ZNF407: variants seen among roughly 807,000 people sequenced by gnomAD.
ZNF407 encodes the protein zinc finger protein 407.
Under a neutral mutation model 131.2 loss-of-function variants are expected in ZNF407, and 17 were observed. That is an observed-to-expected ratio of 0.13 (90% CI 0.09 to 0.19). The LOEUF (loss-of-function observed/expected upper bound fraction) is 0.19, where lower values mean the gene tolerates loss of function less well. ZNF407 is among the 10% of genes least tolerant of loss of function. ZNF407 has a pLI of 1.00. For missense variants in ZNF407, 2,681 were observed against 2,830.6 expected, an observed-to-expected ratio of 0.95 and a Z score of 1.20; for synonymous variants, 1,156 against 1,062.0, an observed-to-expected ratio of 1.09 and a Z score of -1.72.
intron 4 of ZNF407, among the ~76,000 whole-genome samples, chr18:74,861,087 T>C (rs983863005): frequency 6.6e-6 from 1 of 152,162 alleles, no homozygotes. Flanking sequence ...ATCCTAGGGT[T>C]GGAAAACCTG....
In ZNF407 at chr18:74,978,619, G is replaced by A. The variant is rs146949640; in HGVS notation, c.5428+57927G>A. ...TGATTGGATGATGAGGCTCTTTAGC[G>A]AGGAGGGACATACTGCCATCCTAGA... On this transcript the variant is annotated intron_variant, in intron 8 of 8. Transcript: ENST00000299687. Among the ~76,000 whole-genome samples the A allele has an allele frequency of 2.8e-3, 419 of 151,832 alleles. 2 individuals carry two copies. Among genetic ancestry groups the A allele is most frequent in the African/African-American group, 9.1e-3 (378 of 41,376 alleles).
intron 3 of ZNF407, among the ~76,000 whole-genome samples, chr18:74,657,684 G>A (rs919436883): frequency 6.6e-6 from 1 of 152,098 alleles, no homozygotes; most frequent in Non-Finnish European, 1.5e-5. Context: ...TCTTTCCTCG[G>A]CATTGTCTGA....
At chr18:74,828,420 AC>A (rs1970437795) in intron 4 of ZNF407, among the ~76,000 whole-genome samples, 1 of 152,064 alleles carries the variant, frequency 6.6e-6, no homozygotes, top group Non-Finnish European at 1.5e-5. Flanking sequence ...CATAGCTGTT[AC>A]TCTCCTGGGA....
Position 74,604,918 on chromosome 18 carries a change from A to C in ZNF407, c.-54+6981A>C, listed in dbSNP as rs542407404. On this transcript the variant is annotated intron_variant, in intron 1 of 8. Transcript: ENST00000299687. ...ATTTATAGTTCATGCATAGTTCATC[A>C]AAGTCTGGATGCAGTTTACCAGTTG... 1.4e-4 allele frequency among the ~76,000 whole-genome samples: 22 copies of C among 152,284 alleles called. No homozygotes were observed. In the South Asian group the frequency reaches 4.6e-3, roughly 32 times the overall value.
chr18:74,995,742 G>A (rs943075236), intron 8 of ZNF407, among the ~76,000 whole-genome samples: 2 of 152,148 alleles, frequency 1.3e-5, no homozygotes, highest in Non-Finnish European at 2.9e-5. Flanking sequence ...TCATTCGGCT[G>A]TGCTCTGAGG....
intron 4 of ZNF407, among the ~76,000 whole-genome samples, chr18:74,828,630 G>GTATAGC (rs1489661520): frequency 6.6e-6 from 1 of 152,236 alleles, no homozygotes; most frequent in East Asian, 1.9e-4. Flanking sequence ...TTCCACCACT[G>GTATAGC]TATAGCTAGA....
At chr18:74,819,825 A>G (rs551569339) in intron 4 of ZNF407, among the ~76,000 whole-genome samples, 1 of 152,210 alleles carries the variant, frequency 6.6e-6, no homozygotes, top group South Asian at 2.1e-4. Flanking sequence ...TTTTCTTGAC[A>G]TTCTTCACCC....
intron 5 of ZNF407, among the ~76,000 whole-genome samples, chr18:74,879,706 A>T (rs936323064): frequency 6.6e-6 from 1 of 152,222 alleles, no homozygotes; most frequent in East Asian, 1.9e-4. Flanking sequence ...AAATATTTAA[A>T]TTCAGCCTTA....
chr18:74,976,460 T>C (rs1274094088), intron 8 of ZNF407, among the ~76,000 whole-genome samples: 1 of 152,196 alleles, frequency 6.6e-6, no homozygotes, highest in Non-Finnish European at 1.5e-5. Context: ...CTGCGACCTG[T>C]AATTCAATAG....
chr18:75,007,479 C>T (rs1972925016), intron 8 of ZNF407, among the ~76,000 whole-genome samples: 1 of 152,208 alleles, frequency 6.6e-6, no homozygotes, highest in Admixed American at 6.5e-5. Flanking sequence ...TGCAGACCCA[C>T]AACTCCTGGA....
At chr18:74,640,525 T>C (rs1208009656) in intron 2 of ZNF407, among the ~76,000 whole-genome samples, 1 of 152,124 alleles carries the variant, frequency 6.6e-6, no homozygotes, top group Non-Finnish European at 1.5e-5. Context: ...TATACCATTG[T>C]TTTAATGTGA....
intron 8 of ZNF407, among the ~76,000 whole-genome samples, chr18:74,997,205 C>T (rs960918570): frequency 6.6e-6 from 1 of 152,310 alleles, no homozygotes; most frequent in South Asian, 2.1e-4. Context: ...TTATTACAAG[C>T]TCTCAAGGAG....
chr18:74,920,124 CA>C (rs1462336025), intron 7 of ZNF407, among the ~76,000 whole-genome samples: 2 of 152,190 alleles, frequency 1.3e-5, no homozygotes, highest in Admixed American at 6.5e-5. Context: ...CTTTGTTCCC[CA>C]GATGCTCTAA....
chr18:74,697,043 T>C (rs1414330787), intron 3 of ZNF407, among the ~76,000 whole-genome samples: 6 of 152,350 alleles, frequency 3.9e-5, no homozygotes, highest in African/African-American at 1.4e-4. Flanking sequence ...ATAACACTGT[T>C]GATTGCTGCT....
chr18:74,623,534 G>A (rs1983655276), intron 1 of ZNF407, among the ~76,000 whole-genome samples: 1 of 152,218 alleles, frequency 6.6e-6, no homozygotes, highest in South Asian at 2.1e-4. Context: ...TGCCGCCCTA[G>A]CGTGTGAAAT....
intron 8 of ZNF407, chr18:75,062,275 G>A (rs1245089537): frequency 1.3e-5 from 2 of 152,296 alleles, no homozygotes; most frequent in Non-Finnish European, 2.9e-5. Context: ...TTTCCTGAAT[G>A]TATGGCTTCT....
chr18:75,043,863 G>A (rs556405709), intron 8 of ZNF407, among the ~76,000 whole-genome samples: 3 of 152,196 alleles, frequency 2.0e-5, no homozygotes, highest in South Asian at 2.1e-4. Flanking sequence ...GCAGGTATCC[G>A]GATATAAAAA....
At chr18:74,733,543 A>G (rs537686483) in intron 3 of ZNF407, among the ~76,000 whole-genome samples, 1 of 152,332 alleles carries the variant, frequency 6.6e-6, no homozygotes, top group East Asian at 1.9e-4. Context: ...AAAAAAATCT[A>G]GAAAATCTAG....
At chr18:74,666,146 A>G (rs1985921530) in intron 3 of ZNF407, among the ~76,000 whole-genome samples, 1 of 152,156 alleles carries the variant, frequency 6.6e-6, no homozygotes, top group Non-Finnish European at 1.5e-5. Flanking sequence ...CCGCAGAAGC[A>G]TAGGTTGGAG....
Sources: gnomAD v4.1 joint callset for allele counts (sites outside exome capture counted in the v4.1 genomes callset) on GRCh38, gnomAD v4.1.1 for gene constraint, MANE v1.5 for transcripts, NCBI Gene and HGNC (gene_info 2026-07-23, HGNC 2026-07-21) for gene names.